Variants in AKAP6 observed in about 807,000 individuals in gnomAD.
AKAP6 encodes the protein A-kinase anchor protein 6.
A neutral mutation model predicts 188.5 loss-of-function variants in AKAP6; 58 were observed. The ratio of observed to expected loss-of-function variants is 0.31; its 90% CI spans 0.25 to 0.38. The LOEUF (loss-of-function observed/expected upper bound fraction) is 0.38, where lower values mean the gene tolerates loss of function less well. Ranked by LOEUF, AKAP6 falls within the 10% of genes least tolerant of loss-of-function variation. AKAP6 has a pLI of 1.00. For synonymous variants in AKAP6, 989 were observed against 998.6 expected, an observed-to-expected ratio of 0.99 and a Z score of 0.18; for missense variants, 2,710 against 2,740.0, an observed-to-expected ratio of 0.99 and a Z score of 0.24.
At chr14:32,599,620 A>G in intron 6 of AKAP6, 114 bp downstream of exon 6, 2 of 718,976 alleles carry the variant, frequency 2.8e-6, no homozygotes, top group Non-Finnish European at 4.4e-6. Context: ...TAATATTTAC[A>G]TTATCAGATT....
intron 7 of AKAP6, among the ~76,000 whole-genome samples, chr14:32,631,925 A>G (rs951193152): frequency 1.3e-5 from 2 of 152,046 alleles, no homozygotes; most frequent in Non-Finnish European, 2.9e-5. Flanking sequence ...CCTTGATGAC[A>G]TTGTATTAGC....
chr14:32,694,512 T>C (rs1890317579), intron 8 of AKAP6, among the ~76,000 whole-genome samples: 1 of 152,194 alleles, frequency 6.6e-6, no homozygotes. Flanking sequence ...GCATTGTAGT[T>C]TCAGAAACAC....
chr14:32,528,861 A>G lies in AKAP6; in HGVS notation c.325-6693A>G, dbSNP rs1455120072. On this transcript the variant is annotated intron_variant, in intron 2 of 13. Coordinates refer to ENST00000280979, the MANE Select transcript of AKAP6 (RefSeq NM_004274.5). ...CCCAGCTAATTTTTGTATTCTTAGT[A>G]GAGTTTGGATTTCACCATGTTGGCC... is the stretch of plus-strand genomic sequence containing the variant. Among the ~76,000 whole-genome samples, 5 of 152,100 alleles carry G rather than the reference A, an allele frequency of 3.3e-5. No individual in the cohort carries two copies. The East Asian group carries it at 7.8e-4, about 24-fold the overall frequency.
rs1883181268 is a variant in AKAP6 at position 32,546,021 on chromosome 14, T to C, written c.1368T>C (p.Tyr456=). Residue 456 remains tyrosine (Y), a synonymous_variant, in exon 4 of 14, where the codon TAT becomes TAC. Coordinates refer to ENST00000280979, the MANE Select transcript of AKAP6 (RefSeq NM_004274.5). ...GCCCTTCTGCTGCCAGCCAGTCTTA[T>C]GAGTGTTTACACAAGGTGGGGAATG... is the stretch of plus-strand genomic sequence containing the variant. ...PNSPSAASQS[Y]ECLHKVGNGN... is the part of the protein sequence containing the mutation. 6 of 1,614,176 alleles carry C rather than the reference T, an allele frequency of 3.7e-6. No homozygotes were observed. Among genetic ancestry groups the C allele is most frequent in the Non-Finnish European group, 5.1e-6 (6 of 1,180,026 alleles).
Position 32,824,392 on chromosome 14 carries a change from A to G in AKAP6, c.6579A>G (p.Ala2193=), listed in dbSNP as rs763063326. 4.3e-6 allele frequency: 7 copies of G among 1,613,856 alleles called. No individual in the cohort carries two copies. In the South Asian group the frequency reaches 4.4e-5, roughly 10 times the overall value. The change falls in exon 13 of 14, where the codon GCA becomes GCG. Residue 2193 remains alanine (A), a synonymous_variant. Transcript: ENST00000280979. The part of the protein sequence containing the change: ...SEAAMPLQAT[A]CSSEFSDSSL... ...CTGCAATGCCACTACAAGCAACAGCATGTTCTTCTGAGTTCAGTGATAGTT... is the reference window on the plus strand; with the variant it reads ...CTGCAATGCCACTACAAGCAACAGCGTGTTCTTCTGAGTTCAGTGATAGTT...
chr14:32,638,575 A>G (rs1233799806), intron 7 of AKAP6, among the ~76,000 whole-genome samples: 1 of 152,128 alleles, frequency 6.6e-6, no homozygotes, highest in East Asian at 1.9e-4. Flanking sequence ...GCAAAAGTTG[A>G]TATTATCTAA....
intron 9 of AKAP6, among the ~76,000 whole-genome samples, chr14:32,715,245 TC>T (rs552088580): frequency 1.8e-4 from 27 of 152,136 alleles, no homozygotes; most frequent in African/African-American, 6.5e-4. Context: ...ATTACATATG[TC>T]CATCTAATAC....
intron 4 of AKAP6, among the ~76,000 whole-genome samples, chr14:32,564,010 A>C (rs919956233): frequency 2.0e-5 from 3 of 152,176 alleles, no homozygotes; most frequent in African/African-American, 7.2e-5. Flanking sequence ...CCCTGTGGAT[A>C]TCAAAATCAA....
intron 7 of AKAP6, among the ~76,000 whole-genome samples, chr14:32,652,543 C>T (rs1424691653): frequency 3.9e-5 from 6 of 152,186 alleles, no homozygotes; most frequent in Non-Finnish European, 8.8e-5. Flanking sequence ...CAAGGAAATT[C>T]CATCCATTAT....
intron 1 of AKAP6, among the ~76,000 whole-genome samples, chr14:32,372,171 G>C (rs1056796783): frequency 2.0e-5 from 3 of 152,198 alleles, no homozygotes; most frequent in African/African-American, 7.2e-5. Flanking sequence ...TGAGGAAGGA[G>C]TGGCTAACAG....
intron 1 of AKAP6, among the ~76,000 whole-genome samples, chr14:32,408,123 G>C (rs2138638397): frequency 6.6e-6 from 1 of 151,690 alleles, no homozygotes; most frequent in South Asian, 2.1e-4. Flanking sequence ...ATCATGGCAT[G>C]AGTAAAAATT....
At chr14:32,438,635 T>C (rs888416688) in intron 2 of AKAP6, 2 of 152,202 alleles carry the variant, frequency 1.3e-5, no homozygotes, top group Non-Finnish European at 2.9e-5. Flanking sequence ...TGCATCATTT[T>C]TAAAACTGAA....
At chr14:32,684,743 G>GTT (rs4007534) in intron 8 of AKAP6, among the ~76,000 whole-genome samples, 312 of 148,912 alleles carry the variant, frequency 2.1e-3, no homozygotes, top group Admixed American at 5.1e-3. Flanking sequence ...TGTACTTCAT[G>GTT]TTTTTTTTTT....
intron 9 of AKAP6, 143 bp downstream of exon 9, chr14:32,696,253 A>T: frequency 9.0e-7 from 1 of 1,105,638 alleles, no homozygotes; most frequent in Non-Finnish European, 1.2e-6. Flanking sequence ...CCCCAAACTC[A>T]TTTCCATCCC....
chr14:32,821,722 A>G lies in AKAP6; in HGVS notation c.3909A>G (p.Pro1303=). Residue 1303 remains proline (P), a synonymous_variant, in exon 13 of 14, where the codon CCA becomes CCG. Transcript: ENST00000280979. ...NVELYEDNHM[P]FLKNNPKVTG... is the part of the protein sequence containing the mutation. Reference sequence around the variant, plus strand: ...AACTCTATGAGGACAACCACATGCCATTTCTGAAAAACAATCCAAAGGTCA... The same window carrying G: ...AACTCTATGAGGACAACCACATGCCGTTTCTGAAAAACAATCCAAAGGTCA... The G allele has an allele frequency of 6.2e-7, 1 of 1,613,810 alleles. No homozygotes were observed. Among genetic ancestry groups the G allele is most frequent in the Non-Finnish European group, 8.5e-7 (1 of 1,179,900 alleles).
chr14:32,681,705 G>T (rs1378172178), intron 8 of AKAP6, among the ~76,000 whole-genome samples: 1 of 147,930 alleles, frequency 6.8e-6, no homozygotes, highest in East Asian at 2.0e-4. Context: ...TTGAGATAGG[G>T]TCTCATTCCC....
At chr14:32,700,648 C>A (rs1318743803) in intron 9 of AKAP6, among the ~76,000 whole-genome samples, 3 of 152,082 alleles carry the variant, frequency 2.0e-5, no homozygotes, top group Non-Finnish European at 2.9e-5. Context: ...CTACAGTATT[C>A]AGTATAGTAA....
chr14:32,393,068 A>C (rs752082095), intron 1 of AKAP6, among the ~76,000 whole-genome samples: 1 of 152,134 alleles, frequency 6.6e-6, no homozygotes, highest in Non-Finnish European at 1.5e-5. Flanking sequence ...AAACAATTGG[A>C]TGAAAGTATT....
At position 32,353,844 on chromosome 14, in the gene AKAP6, A is replaced by G. The variant is rs1887381719; in HGVS notation, c.-35+24436A>G. ...CAAACAGAGAGCCAAATCATGAGTG[A>G]ATTCCCATTCACAATTGCTTCAAAG... On this transcript the variant is annotated intron_variant, in intron 1 of 13. Transcript: ENST00000280979. Among the ~76,000 whole-genome samples, 5 of 152,096 alleles carry G rather than the reference A, an allele frequency of 3.3e-5. 1 individual carries two copies. In the South Asian group the frequency reaches 1.0e-3, roughly 32 times the overall value.
Sources: allele counts gnomAD v4.1 joint callset (sites outside exome capture counted in the v4.1 genomes callset), GRCh38; gene constraint gnomAD v4.1.1; transcripts MANE v1.5; gene names NCBI Gene and HGNC (gene_info 2026-07-23, HGNC 2026-07-21).